DNAH8: variants seen among roughly 807,000 people sequenced by gnomAD.
DNAH8 encodes the protein axonemal beta dynein heavy chain 8.
Under a neutral mutation model 562.1 loss-of-function variants are expected in DNAH8, and 382 were observed. The observed-to-expected ratio is 0.68, with a 90% CI of 0.63 to 0.74. The LOEUF is 0.74. Ranked by LOEUF, DNAH8 falls within the 30% of genes least tolerant of loss-of-function variation. DNAH8 has a pLI of 0.00. For synonymous variants in DNAH8, 1,881 were observed against 1,919.4 expected, an observed-to-expected ratio of 0.98 and a Z score of 0.52; for missense variants, 5,203 against 5,620.4, an observed-to-expected ratio of 0.93 and a Z score of 2.37.
At chr6:38,799,431 T>C (rs996430043) in intron 21 of DNAH8, among the ~76,000 whole-genome samples, 6 of 152,180 alleles carry the variant, frequency 3.9e-5, no homozygotes, top group African/African-American at 1.2e-4. Context: ...GCTCTCATGC[T>C]TTCCTTGCCG....
At chr6:38,887,079 CAAA>C in intron 57 of DNAH8, 75 bp downstream of exon 57, 1 of 1,076,060 alleles carries the variant, frequency 9.3e-7, no homozygotes, top group Non-Finnish European at 1.4e-6. Flanking sequence ...ATTTAAGAGA[CAAA>C]AAGGCTCTGT....
chr6:39,006,421 A>G (rs942035936), intron 88 of DNAH8, among the ~76,000 whole-genome samples: 18 of 152,220 alleles, frequency 1.2e-4, no homozygotes. Flanking sequence ...TTGCAAATAC[A>G]GTATTTTGTA....
Position 38,998,682 on chromosome 6 carries a change from G to A in DNAH8, c.13214+8510G>A, listed in dbSNP as rs183885270. On this transcript the variant is annotated intron_variant, in intron 88 of 92. Transcript: ENST00000327475. Reference sequence around the variant, plus strand: ...TAGGTAGTTGTTTATTTCATAGACAGCTCTGTTTTTCAGTTGTTTTGCATT... The same window carrying A: ...TAGGTAGTTGTTTATTTCATAGACAACTCTGTTTTTCAGTTGTTTTGCATT... 1.7e-3 allele frequency among the ~76,000 whole-genome samples: 256 copies of A among 152,276 alleles called. 1 individual carries two copies. The highest frequency in any genetic ancestry group is 5.8e-3 in the African/African-American group (242 of 41,560).
chr6:38,810,066 TTCTG>T (rs1390696643), intron 24 of DNAH8, among the ~76,000 whole-genome samples: 3 of 152,220 alleles, frequency 2.0e-5, no homozygotes, highest in Non-Finnish European at 4.4e-5. Context: ...GTCTCATTAT[TTCTG>T]TCTTAGTGAG....
intron 26 of DNAH8, among the ~76,000 whole-genome samples, chr6:38,819,251 T>C (rs917272045): frequency 3.9e-5 from 6 of 152,186 alleles, no homozygotes; most frequent in Non-Finnish European, 5.9e-5. Context: ...ATAAACATGT[T>C]GGTTTATTGT....
intron 26 of DNAH8, among the ~76,000 whole-genome samples, chr6:38,819,560 T>C (rs1772622341): frequency 6.6e-6 from 1 of 152,164 alleles, no homozygotes; most frequent in Non-Finnish European, 1.5e-5. Context: ...TAAAAATATT[T>C]AGAAGTATTG....
At chr6:38,893,115 G>A (rs1463060869) in intron 58 of DNAH8, among the ~76,000 whole-genome samples, 1 of 152,154 alleles carries the variant, frequency 6.6e-6, no homozygotes, top group Non-Finnish European at 1.5e-5. Context: ...AGAGTTAGCT[G>A]TCCTCTGTTT....
At chr6:38,964,988 C>G (rs1382856760) in intron 82 of DNAH8, among the ~76,000 whole-genome samples, 1 of 151,832 alleles carries the variant, frequency 6.6e-6, no homozygotes, top group African/African-American at 2.4e-5. Context: ...CTCTTGAACC[C>G]TGGAGGTGGA....
intron 82 of DNAH8, among the ~76,000 whole-genome samples, chr6:38,970,970 T>C (rs1480588294): frequency 6.6e-6 from 1 of 152,184 alleles, no homozygotes; most frequent in Non-Finnish European, 1.5e-5. Flanking sequence ...TGTTTTCATG[T>C]TTAGTTCCAA....
intron 60 of DNAH8, 147 bp downstream of exon 60, chr6:38,896,372 G>C: frequency 3.0e-6 from 2 of 657,154 alleles, no homozygotes; most frequent in Non-Finnish European, 5.2e-6. Flanking sequence ...CTGGGAGTTT[G>C]AGACCAGCCT....
At chr6:38,871,928 C>G (rs567098889) in intron 49 of DNAH8, among the ~76,000 whole-genome samples, 4 of 152,292 alleles carry the variant, frequency 2.6e-5, no homozygotes, top group South Asian at 2.1e-4. Context: ...AAGTTACACT[C>G]CAGTCTCCCG....
chr6:38,770,446 T>C lies in DNAH8; in HGVS notation c.1651T>C (p.Ser551Pro). Residue 551 changes from serine to proline, a missense_variant, in exon 12 of 93, where the codon TCT becomes CCT. Coordinates refer to ENST00000327475, the MANE Select transcript of DNAH8 (RefSeq NM_001206927.2). The stretch of plus-strand genomic sequence containing the variant: ...TTTTCTATTCAAGGAATATCAGGCA[T>C]CTTTTCATAAAACAAGGAAACTGAT... Reference protein sequence around the residue: ...CIFLFKEYQASFHKTRKLISE... With the variant: ...CIFLFKEYQAPFHKTRKLISE... The C allele has an allele frequency of 1.2e-6, 2 of 1,602,636 alleles. No individual in the cohort carries two copies. Among genetic ancestry groups the C allele is most frequent in the Non-Finnish European group, 1.7e-6 (2 of 1,172,642 alleles).
intron 4 of DNAH8, among the ~76,000 whole-genome samples, chr6:38,731,316 G>A (rs13204235): frequency 0.23 from 34,460 of 152,058 alleles, 4,494 homozygotes; most frequent in Non-Finnish European, 0.3. Flanking sequence ...CTCTATAACT[G>A]GTTTATATAC....
intron 28 of DNAH8, 30 bp downstream of exon 28, chr6:38,823,718 A>G (rs374183751): frequency 1.9e-4 from 295 of 1,526,320 alleles, no homozygotes; most frequent in Non-Finnish European, 2.4e-4. Context: ...TATGTAAAGT[A>G]TCTGTACTTT....
rs746244814 is a variant in DNAH8, at chr6:38,890,738, A to G, written c.8560A>G (p.Arg2854Gly). The G allele has an allele frequency of 1.2e-6, 2 of 1,613,310 alleles. No homozygotes were observed. The highest frequency in any genetic ancestry group is 1.7e-6 in the Non-Finnish European group (2 of 1,179,244). Residue 2854 changes from arginine (R) to glycine (G), a missense_variant, in exon 58 of 93, where the codon AGA becomes GGA. By Grantham distance (125) the Arg-to-Gly change is moderately radical (BLOSUM62 -2). Coordinates refer to ENST00000327475, the MANE Select transcript of DNAH8 (RefSeq NM_001206927.2). Reference protein sequence around the residue: ...EMIVNLVSVGRVLWQWTKVKM... With the variant: ...EMIVNLVSVGGVLWQWTKVKM... ...GATTGTGAATTTAGTCTCAGTGGGTAGAGTGCTGTGGCAATGGACTAAGGT... is the reference window on the plus strand; with the variant it reads ...GATTGTGAATTTAGTCTCAGTGGGTGGAGTGCTGTGGCAATGGACTAAGGT...
chr6:38,867,623 C>T (rs994712346), intron 47 of DNAH8, among the ~76,000 whole-genome samples: 10 of 150,820 alleles, frequency 6.6e-5, no homozygotes, highest in Admixed American at 1.3e-4. Flanking sequence ...CGTGGTGGCA[C>T]GCGCCTATAA....
chr6:38,917,837 T>C (rs1199729487), intron 69 of DNAH8, 88 bp from the exon 70 acceptor site: 2 of 1,014,216 alleles, frequency 2.0e-6, no homozygotes, highest in African/African-American at 3.2e-5. Flanking sequence ...CTATTACTTC[T>C]TTGAGAAAAT....
At chr6:38,877,730 C>A (rs1424053794) in intron 53 of DNAH8, among the ~76,000 whole-genome samples, 2 of 152,172 alleles carry the variant, frequency 1.3e-5, no homozygotes, top group African/African-American at 2.4e-5. Context: ...GAGAAGACTT[C>A]ATTCATAGAT....
intron 82 of DNAH8, among the ~76,000 whole-genome samples, chr6:38,955,035 A>G (rs952937485): frequency 3.3e-5 from 5 of 152,106 alleles, no homozygotes; most frequent in African/African-American, 1.2e-4. Context: ...TGGTGCAATC[A>G]TGGCTCACTA....
Sources: gnomAD v4.1 joint callset for allele counts (sites outside exome capture counted in the v4.1 genomes callset) on GRCh38, gnomAD v4.1.1 for gene constraint, MANE v1.5 for transcripts, NCBI Gene and HGNC (gene_info 2026-07-23, HGNC 2026-07-21) for gene names.